The following ICA1L variants were observed in gnomAD, a reference collection of about 807,000 sequenced individuals.
The protein encoded by ICA1L is islet cell autoantigen 1-like protein.
ICA1L carries 50 observed loss-of-function variants against 61.3 expected under a neutral mutation model. That is an observed-to-expected ratio of 0.82 (90% confidence interval 0.65 to 1.03). The LOEUF (loss-of-function observed/expected upper bound fraction) is 1.03. ICA1L is among the 50% of genes least tolerant of loss of function. The probability of loss-of-function intolerance (pLI) is 0.00; values close to 1 mark genes in which losing one functional copy is unlikely to be tolerated. For missense variants in ICA1L, 508 were observed against 556.7 expected, an observed-to-expected ratio of 0.91 and a Z score of 0.88; for synonymous variants, 161 against 191.3, an observed-to-expected ratio of 0.84 and a Z score of 1.31.
At chr2:202,782,057 A>G (rs1437793874) in intron 12 of ICA1L, among the ~76,000 whole-genome samples, 1 of 152,138 alleles carries the variant, frequency 6.6e-6, no homozygotes, top group Non-Finnish European at 1.5e-5. Flanking sequence ...AAAATTTTCA[A>G]TTTTATGGCC....
chr2:202,800,942 TA>T (rs1574337091), intron 9 of ICA1L, among the ~76,000 whole-genome samples: 1 of 152,026 alleles, frequency 6.6e-6, no homozygotes, highest in Non-Finnish European at 1.5e-5. Context: ...ATACATAATA[TA>T]AAAATGTTAG....
At chr2:202,859,301 C>T (rs1694849062) in intron 1 of ICA1L, among the ~76,000 whole-genome samples, 1 of 152,206 alleles carries the variant, frequency 6.6e-6, no homozygotes, top group African/African-American at 2.4e-5. Flanking sequence ...ATCTTAATTA[C>T]TGTTTAGCCA....
At chr2:202,845,052 T>C (rs1694430509) in intron 1 of ICA1L, among the ~76,000 whole-genome samples, 1 of 152,206 alleles carries the variant, frequency 6.6e-6, no homozygotes, top group Admixed American at 6.5e-5. Flanking sequence ...CATCACATTG[T>C]CTTATCTTCT....
chr2:202,778,588 G>A lies in ICA1L; in HGVS notation c.*945C>T, dbSNP rs1170687569. On this transcript the variant is annotated 3_prime_UTR_variant, in exon 13 of 13. Transcript: ENST00000358299. ...GTATGCAAATATATGTAAGGATAAG[G>A]TGTTCATAAGTGTCTCCCTCATTCA... 1 of 152,266 alleles carries A rather than the reference G, an allele frequency of 6.6e-6. No homozygotes were observed. Among genetic ancestry groups the A allele is most frequent in the Non-Finnish European group, 1.5e-5 (1 of 68,034 alleles). 9.4% of individuals were successfully genotyped at this position (152,266 alleles called of 1,614,324 possible).
rs1692938842 is a variant in ICA1L, at chr2:202,796,793, G to C, written c.985+97C>G. 5 of 664,428 alleles carry C rather than the reference G, an allele frequency of 7.5e-6. No individual in the cohort carries two copies. The Admixed American group carries it at 1.6e-4, about 21-fold the overall frequency. The allele number at this position is 664,428 out of a possible 1,614,324, so 41.2% of individuals were successfully genotyped here. Reference sequence around the variant, plus strand: ...AGGCACATAGTTGCATTCTTATGTAGAGACCCAGACAGTTTCTAATGTTAA... The same window carrying C: ...AGGCACATAGTTGCATTCTTATGTACAGACCCAGACAGTTTCTAATGTTAA... On this transcript the variant is annotated intron_variant, in intron 10 of 12. Coordinates refer to ENST00000358299, the MANE Select transcript of ICA1L (RefSeq NM_001288622.3).
intron 1 of ICA1L, chr2:202,840,485 G>C (rs1694296093): frequency 3.9e-6 from 2 of 517,600 alleles, no homozygotes; most frequent in Non-Finnish European, 7.6e-6. Flanking sequence ...GCTGAGGCTG[G>C]GGCTTGTGAG....
At chr2:202,846,613 T>C (rs143173027) in intron 1 of ICA1L, among the ~76,000 whole-genome samples, 4 of 152,116 alleles carry the variant, frequency 2.6e-5, no homozygotes, top group Admixed American at 2.0e-4. Flanking sequence ...CCCTGAAGCC[T>C]AACACACCCA....
In ICA1L at chr2:202,773,946, C is replaced by A; in HGVS notation, c.*5587G>T. ...AAGAGACAGAAAGATTCTTCTCTTC[C>A]GCTTATTACTTGCCACTGTGTTTTA... On this transcript the variant is annotated 3_prime_UTR_variant, in exon 13 of 13. Coordinates refer to ENST00000358299, the MANE Select transcript of ICA1L (RefSeq NM_001288622.3). 1 of 1,120,570 alleles carries A rather than the reference C, an allele frequency of 8.9e-7. No individual in the cohort carries two copies. 69.4% of individuals were successfully genotyped at this position (1,120,570 alleles called of 1,614,324 possible).
intron 1 of ICA1L, among the ~76,000 whole-genome samples, chr2:202,833,837 A>G (rs1694076293): frequency 6.6e-6 from 1 of 152,212 alleles, no homozygotes; most frequent in African/African-American, 2.4e-5. Context: ...CAAATACCAC[A>G]TGATCTCAAT....
rs1445369799 is a variant in ICA1L at position 202,775,034 on chromosome 2, T to C, written c.*4499A>G. 1 of 152,238 alleles carries C rather than the reference T, an allele frequency of 6.6e-6. No individual in the cohort carries two copies. Among genetic ancestry groups the C allele is most frequent in the African/African-American group, 2.4e-5 (1 of 41,456 alleles). The allele number at this position is 152,238 out of a possible 1,614,324, so 9.4% of individuals were successfully genotyped here. On this transcript the variant is annotated 3_prime_UTR_variant, in exon 13 of 13. Transcript: ENST00000358299. ...TGTTTTGAACTCTTTAGTAGTCTTT[T>C]AAATGGTACAGAAAAAGATGGAAAA...
chr2:202,853,662 GA>G lies in ICA1L; in HGVS notation c.-8+17956del, dbSNP rs200772347. Among the ~76,000 whole-genome samples, 1,483 of 150,378 alleles carry G rather than the reference GA, an allele frequency of 9.9e-3. 28 individuals carry two copies. The highest frequency in any genetic ancestry group is 0.06 in the South Asian group (286 of 4,760). On this transcript the variant is annotated intron_variant, in intron 1 of 12. Transcript: ENST00000358299. ...GCAAAGAACTCAAACAAATTTACAA[GA>G]AAAAAAAACCCCATCAAAAAGTGGG... is the stretch of plus-strand genomic sequence containing the variant.
intron 3 of ICA1L, chr2:202,825,395 A>C (rs548644439): frequency 1.4e-5 from 5 of 355,682 alleles, no homozygotes; most frequent in Non-Finnish European, 2.2e-5. Context: ...ACTTGAGCCC[A>C]GGTGGTGGAG....
chr2:202,814,873 C>A (rs1170570632), intron 7 of ICA1L, 89 bp from the exon 8 acceptor site: 9 of 896,496 alleles, frequency 1.0e-5, no homozygotes, highest in South Asian at 4.6e-5. Context: ...TTCTAAAGAA[C>A]CATATGAAAT....
intron 1 of ICA1L, among the ~76,000 whole-genome samples, chr2:202,836,344 A>G (rs879859930): frequency 2.0e-5 from 3 of 152,180 alleles, no homozygotes; most frequent in Non-Finnish European, 2.9e-5. Flanking sequence ...GAATATGCAG[A>G]TTCACAGTGA....
intron 10 of ICA1L, among the ~76,000 whole-genome samples, chr2:202,789,755 T>C (rs1385920487): frequency 5.3e-5 from 8 of 152,190 alleles, no homozygotes. Flanking sequence ...ATGAAGAAAA[T>C]ATTTTATATC....
rs952149032 is a variant in ICA1L at position 202,849,189 on chromosome 2, C to T, written c.-7-20173G>A. The stretch of plus-strand genomic sequence containing the variant: ...GGGCCCTGGGTTTCAAGCACAAAAC[C>T]GGGTGGCTGTTTGGGCAGACACCGA... On this transcript the variant is annotated intron_variant, in intron 1 of 12. Transcript: ENST00000358299. The surrounding 1 kb of genome is among the most constrained non-coding windows in gnomAD (Gnocchi z 4.5). Among the ~76,000 whole-genome samples the T allele has an allele frequency of 3.9e-5, 6 of 152,166 alleles. No individual in the cohort carries two copies. Among genetic ancestry groups the T allele is most frequent in the Admixed American group, 6.5e-5 (1 of 15,268 alleles).
At chr2:202,857,501 A>G (rs1258081300) in intron 1 of ICA1L, among the ~76,000 whole-genome samples, 1 of 152,198 alleles carries the variant, frequency 6.6e-6, no homozygotes, top group Non-Finnish European at 1.5e-5. Context: ...ACTTAATGTA[A>G]GACCTAAAAC....
intron 1 of ICA1L, among the ~76,000 whole-genome samples, chr2:202,833,325 T>TA (rs1261548017): frequency 6.6e-6 from 1 of 152,222 alleles, no homozygotes; most frequent in Non-Finnish European, 1.5e-5. Context: ...CTCAGGCCTG[T>TA]AATCCCAGGA....
intron 12 of ICA1L, among the ~76,000 whole-genome samples, chr2:202,784,496 G>T (rs576961009): frequency 6.6e-6 from 1 of 152,280 alleles, no homozygotes; most frequent in East Asian, 1.9e-4. Context: ...AATGAGTTGA[G>T]GATAAGAGAG....
Sources: gnomAD v4.1 joint callset for allele counts (sites outside exome capture counted in the v4.1 genomes callset) on GRCh38, gnomAD v4.1.1 for gene constraint, Gnocchi (gnomAD v3.1) non-coding constraint, MANE v1.5 for transcripts, NCBI Gene and HGNC (gene_info 2026-07-23, HGNC 2026-07-21) for gene names.